RIN3: variants seen among roughly 807,000 people sequenced by gnomAD.
RIN3 encodes the protein Ras and Rab interactor 3, also known as RAB5 interacting protein 3.
A neutral mutation model predicts 76.3 loss-of-function variants in RIN3; 54 were observed. The observed-to-expected ratio is 0.71, with a 90% confidence interval of 0.57 to 0.89. The LOEUF (loss-of-function observed/expected upper bound fraction) is 0.89. Ranked by LOEUF, RIN3 falls within the 40% of genes least tolerant of loss-of-function variation. The pLI is 0.00. For synonymous variants in RIN3, 576 were observed against 564.0 expected (o/e 1.02, Z -0.30); for missense variants, 1,256 against 1,322.1 (o/e 0.95, Z 0.78).
intron 7 of RIN3, among the ~76,000 whole-genome samples, chr14:92,669,234 AG>A (rs1158838328): frequency 6.6e-6 from 1 of 152,218 alleles, no homozygotes; most frequent in African/African-American, 2.4e-5. Flanking sequence ...TCATTCAAGG[AG>A]GGGAGATAGG....
At chr14:92,660,665 G>T (rs996620406) in intron 7 of RIN3, among the ~76,000 whole-genome samples, 5 of 152,240 alleles carry the variant, frequency 3.3e-5, no homozygotes, top group African/African-American at 1.2e-4. Context: ...TCATTGACTT[G>T]TTTAGGCACA....
intron 1 of RIN3, among the ~76,000 whole-genome samples, chr14:92,527,140 T>A (rs1395713835): frequency 6.9e-6 from 1 of 144,444 alleles, no homozygotes; most frequent in Non-Finnish European, 1.5e-5. Context: ...AAGCTCCGCC[T>A]CCTGGGTTCA....
intron 3 of RIN3, among the ~76,000 whole-genome samples, chr14:92,605,095 G>A (rs1885480365): frequency 6.6e-6 from 1 of 151,942 alleles, no homozygotes. Flanking sequence ...ATTTTTGGTA[G>A]AGATGGTGTT....
rs146010549 is a variant in RIN3, at chr14:92,523,824, G to A, written c.44+9848G>A. 1.5e-3 allele frequency among the ~76,000 whole-genome samples: 233 copies of A among 152,302 alleles called. 1 individual carries two copies. Among genetic ancestry groups the A allele is most frequent in the Admixed American group, 1.0e-2 (153 of 15,302 alleles). ...GTTCTGTGCTTTAGGCTGAGAACTC[G>A]CCTAGGTTAACCCTCCCCATGCCAG... On this transcript the variant is annotated intron_variant, in intron 1 of 9. Coordinates refer to ENST00000216487, the MANE Select transcript of RIN3 (RefSeq NM_024832.5).
At chr14:92,537,576 C>T (rs1897027845) in intron 1 of RIN3, among the ~76,000 whole-genome samples, 1 of 150,914 alleles carries the variant, frequency 6.6e-6, no homozygotes, top group Admixed American at 6.6e-5. Flanking sequence ...CTGAATTGCC[C>T]TCCATGAAGG....
intron 1 of RIN3, among the ~76,000 whole-genome samples, chr14:92,553,835 C>G (rs1897503640): frequency 6.6e-6 from 1 of 152,150 alleles, no homozygotes; most frequent in East Asian, 1.9e-4. Flanking sequence ...ACACTGCTGC[C>G]CCTGTTTAAT....
At chr14:92,585,442 A>G (rs1289916649) in intron 3 of RIN3, among the ~76,000 whole-genome samples, 1 of 152,158 alleles carries the variant, frequency 6.6e-6, no homozygotes, top group Non-Finnish European at 1.5e-5. Context: ...ACGTCCCCAT[A>G]GTCCAGTGGT....
At chr14:92,598,197 A>G (rs1885217929) in intron 3 of RIN3, among the ~76,000 whole-genome samples, 1 of 152,118 alleles carries the variant, frequency 6.6e-6, no homozygotes, top group South Asian at 2.1e-4. Context: ...ACACCACCAT[A>G]CTGGAGAGAC....
At chr14:92,536,083 T>C (rs577630968) in intron 1 of RIN3, among the ~76,000 whole-genome samples, 107 of 152,360 alleles carry the variant, frequency 7.0e-4, no homozygotes, top group African/African-American at 2.3e-3. Context: ...TCCACTGACC[T>C]GTGTGTCTGT....
At chr14:92,527,858 C>T (rs1595390172) in intron 1 of RIN3, among the ~76,000 whole-genome samples, 1 of 152,110 alleles carries the variant, frequency 6.6e-6, no homozygotes, top group Non-Finnish European at 1.5e-5. Flanking sequence ...GAGAATATTT[C>T]GTTGTGTGGA....
At chr14:92,624,412 C>A (rs566096491) in intron 4 of RIN3, among the ~76,000 whole-genome samples, 1 of 152,208 alleles carries the variant, frequency 6.6e-6, no homozygotes, top group Admixed American at 6.5e-5. Context: ...AAATTTGCAC[C>A]GGGTTACATT....
chr14:92,626,582 TAGTCCCTTTAGGGA>T (rs1382379212), intron 4 of RIN3, among the ~76,000 whole-genome samples: 1 of 152,164 alleles, frequency 6.6e-6, no homozygotes, highest in African/African-American at 2.4e-5. Context: ...TCTTACATGG[TAGTCCCTTTAGGGA>T]AGGATACTTA....
At chr14:92,556,517 C>A (rs1897587406) in intron 2 of RIN3, among the ~76,000 whole-genome samples, 1 of 152,014 alleles carries the variant, frequency 6.6e-6, no homozygotes, top group Non-Finnish European at 1.5e-5. Context: ...GGCTCTTATT[C>A]CTATTGCATG....
intron 1 of RIN3, among the ~76,000 whole-genome samples, chr14:92,516,658 CAGCTGGGAGTGCAAGG>C (rs1423014800): frequency 3.3e-5 from 5 of 152,254 alleles, no homozygotes; most frequent in African/African-American, 9.6e-5. Flanking sequence ...CTCTGAGAAG[CAGCTGGGAGTGCAAGG>C]GGCTGGGGGT....
chr14:92,614,173 C>G (rs1335803400), intron 3 of RIN3, among the ~76,000 whole-genome samples: 2 of 152,232 alleles, frequency 1.3e-5, no homozygotes, highest in African/African-American at 4.8e-5. Context: ...TTTGATCCCT[C>G]TTCCTTGCCA....
chr14:92,541,916 A>C (rs905659893), intron 1 of RIN3, among the ~76,000 whole-genome samples: 2 of 152,252 alleles, frequency 1.3e-5, no homozygotes, highest in African/African-American at 4.8e-5. Context: ...ATATATTAAA[A>C]ATTTACAACT....
intron 7 of RIN3, among the ~76,000 whole-genome samples, chr14:92,664,744 G>A (rs1160454949): frequency 1.3e-5 from 2 of 152,136 alleles, no homozygotes; most frequent in Non-Finnish European, 2.9e-5. Flanking sequence ...ACATACACCT[G>A]TGTCCTTTAC....
At position 92,580,618 on chromosome 14, in the gene RIN3, C is replaced by T. The variant is rs560453289; in HGVS notation, c.367+3141C>T. Among the ~76,000 whole-genome samples the T allele has an allele frequency of 6.6e-4, 100 of 152,384 alleles. 3 individuals are homozygous for T. The South Asian group carries it at 0.02, about 30-fold the overall frequency. On this transcript the variant is annotated intron_variant, in intron 3 of 9. Transcript: ENST00000216487. ...GGCTTAAAGCCAGAAGCTGGTTTCCCACTCACAGGCAAGATTCCTGCCCAG... is the reference window on the plus strand; with the variant it reads ...GGCTTAAAGCCAGAAGCTGGTTTCCTACTCACAGGCAAGATTCCTGCCCAG...
intron 3 of RIN3, among the ~76,000 whole-genome samples, chr14:92,612,376 C>T (rs547402245): frequency 2.0e-5 from 3 of 152,314 alleles, no homozygotes; most frequent in African/African-American, 4.8e-5. Context: ...TCTGCACTCA[C>T]CTTTGTTCTA....
Sources: allele counts gnomAD v4.1 joint callset (sites outside exome capture counted in the v4.1 genomes callset), GRCh38; gene constraint gnomAD v4.1.1; transcripts MANE v1.5; gene names NCBI Gene and HGNC (gene_info 2026-07-23, HGNC 2026-07-21).